The following LRRC37A2 variants were observed in gnomAD, a reference collection of about 807,000 sequenced individuals.
LRRC37A2 encodes leucine-rich repeat-containing protein 37A2.
Under a neutral mutation model 68.8 loss-of-function variants are expected in LRRC37A2, and 9 were observed. That is an observed-to-expected ratio of 0.13 (90% confidence interval 0.08 to 0.23). The LOEUF is 0.23. Ranked by LOEUF, LRRC37A2 falls within the 10% of genes least tolerant of loss-of-function variation. The pLI, the probability that LRRC37A2 is intolerant of heterozygous loss-of-function variation, is 1.00. For synonymous variants in LRRC37A2, 63 were observed against 367.6 expected, an observed-to-expected ratio of 0.17 and a Z score of 9.48; for missense variants, 168 against 950.4, an observed-to-expected ratio of 0.18 and a Z score of 10.82.
the LRRC37A2 span, among the ~76,000 whole-genome samples, chr17:46,873,445 C>T: frequency 6.6e-6 from 1 of 152,114 alleles, no homozygotes; most frequent in Non-Finnish European, 1.5e-5. Context: ...CATGTGACTC[C>T]CTTGCCAAGG....
At chr17:46,921,203 G>A in the LRRC37A2 span, 1 of 152,162 alleles carries the variant, frequency 6.6e-6, no homozygotes, top group African/African-American at 2.4e-5. Flanking sequence ...ACACGCATAC[G>A]GTTAAGGCAT....
chr17:46,792,129 G>A, the LRRC37A2 span, among the ~76,000 whole-genome samples: 1 of 152,356 alleles, frequency 6.6e-6, no homozygotes, highest in East Asian at 1.9e-4. Flanking sequence ...TCTGCAAATG[G>A]GATGTGTGTT....
the LRRC37A2 span, among the ~76,000 whole-genome samples, chr17:46,806,815 C>A: frequency 6.6e-6 from 1 of 152,182 alleles, no homozygotes; most frequent in Non-Finnish European, 1.5e-5. Flanking sequence ...TGGGGAGATC[C>A]CTGGCCGCCG....
the LRRC37A2 span, among the ~76,000 whole-genome samples, chr17:46,765,642 C>A: frequency 2.0e-5 from 3 of 152,372 alleles, no homozygotes; most frequent in Non-Finnish European, 4.4e-5. Context: ...CGCAGGCTCC[C>A]GTCTTGCCTA....
chr17:46,825,611 GC>G, the LRRC37A2 span, among the ~76,000 whole-genome samples: 1 of 152,252 alleles, frequency 6.6e-6, no homozygotes, highest in Non-Finnish European at 1.5e-5. Flanking sequence ...GTGTGCAGCT[GC>G]CCCTTGGCAG....
At chr17:46,816,141 G>A in the LRRC37A2 span, among the ~76,000 whole-genome samples, 431 of 26,254 alleles carry the variant, frequency 0.016, 4 homozygotes, top group East Asian at 0.4. Flanking sequence ...TCACACACAC[G>A]CACGCACGCA....
chr17:47,010,150 C>T, the LRRC37A2 span, among the ~76,000 whole-genome samples: 2 of 152,202 alleles, frequency 1.3e-5, no homozygotes, highest in Admixed American at 1.3e-4. Context: ...AAGGGGTGGA[C>T]CGTGGGATTG....
chr17:46,766,334 G>C, the LRRC37A2 span, among the ~76,000 whole-genome samples: 1 of 152,030 alleles, frequency 6.6e-6, no homozygotes, highest in African/African-American at 2.4e-5. Flanking sequence ...CTTGAACCCA[G>C]GTGGCGGAGG....
At chr17:46,766,601 C>T in the LRRC37A2 span, among the ~76,000 whole-genome samples, 2 of 152,094 alleles carry the variant, frequency 1.3e-5, no homozygotes, top group African/African-American at 4.8e-5. Context: ...TCTGGACTGT[C>T]CCCACCAGGA....
At chr17:46,857,366 T>C in the LRRC37A2 span, among the ~76,000 whole-genome samples, 1 of 150,418 alleles carries the variant, frequency 6.6e-6, no homozygotes, top group Admixed American at 6.7e-5. Flanking sequence ...TCCCAGCTAC[T>C]CAGGAGGCTG....
chr17:46,506,143 CA>C, the LRRC37A2 span, among the ~76,000 whole-genome samples: 1 of 146,480 alleles, frequency 6.8e-6, no homozygotes, highest in African/African-American at 2.6e-5. Context: ...TTCAGTGGAA[CA>C]AGAGTCTACT....
chr17:46,867,692 G>C, the LRRC37A2 span, among the ~76,000 whole-genome samples: 1 of 152,070 alleles, frequency 6.6e-6, no homozygotes, highest in South Asian at 2.1e-4. Flanking sequence ...AGCCACAATT[G>C]TGGGTGGGGT....
chr17:47,029,987 CA>C, the LRRC37A2 span, among the ~76,000 whole-genome samples: 50 of 151,356 alleles, frequency 3.3e-4, no homozygotes, highest in African/African-American at 9.5e-4. Flanking sequence ...CACTTGAAAC[CA>C]GGAGGCGGAG....
the LRRC37A2 span, chr17:46,770,017 G>A: frequency 7.0e-6 from 11 of 1,581,968 alleles, no homozygotes; most frequent in Admixed American, 1.8e-5. Context: ...CGGCCGAGGC[G>A]ATGGCGTGAA....
the LRRC37A2 span, among the ~76,000 whole-genome samples, chr17:46,656,206 G>A: frequency 2.3e-4 from 1 of 4,282 alleles, no homozygotes; most frequent in Non-Finnish European, 4.4e-4. Flanking sequence ...AAAGTAGACA[G>A]TGTATCTATA....
chr17:47,025,813 G>A, the LRRC37A2 span, among the ~76,000 whole-genome samples: 40 of 121,420 alleles, frequency 3.3e-4, no homozygotes, highest in Non-Finnish European at 5.1e-5. Context: ...AGACCCTCAG[G>A]TGGATGCCAA....
the LRRC37A2 span, among the ~76,000 whole-genome samples, chr17:46,989,077 A>G: frequency 1.3e-5 from 2 of 152,178 alleles, no homozygotes; most frequent in Non-Finnish European, 2.9e-5. Flanking sequence ...CTGCTCGAGC[A>G]TAGGAAATCA....
At chr17:46,854,851 G>A in the LRRC37A2 span, among the ~76,000 whole-genome samples, 1 of 152,046 alleles carries the variant, frequency 6.6e-6, no homozygotes, top group South Asian at 2.1e-4. Flanking sequence ...ATAGAGATGG[G>A]GTTTCACCAT....
the LRRC37A2 span, among the ~76,000 whole-genome samples, chr17:47,013,570 T>C: frequency 6.6e-6 from 1 of 152,198 alleles, no homozygotes; most frequent in African/African-American, 2.4e-5. Context: ...GGTTCCCTGT[T>C]GTGTGGAATG....
Sources: allele counts gnomAD v4.1 joint callset (sites outside exome capture counted in the v4.1 genomes callset), GRCh38; gene constraint gnomAD v4.1.1; transcripts MANE v1.5; gene names NCBI Gene and HGNC (gene_info 2026-07-23, HGNC 2026-07-21).